Variants in PHAF1 observed in about 807,000 individuals in gnomAD.
The protein encoded by PHAF1 is phagophore assembly factor 1, also known as phagosome assembly factor 1.
Under a neutral mutation model 63.1 loss-of-function variants are expected in PHAF1, and 23 were observed. The ratio of observed to expected loss-of-function variants is 0.36; its 90% confidence interval spans 0.26 to 0.52. PHAF1 has a LOEUF of 0.52. Among genes scored for constraint, PHAF1 ranks in the 20% least tolerant of loss-of-function variants. The pLI, the probability that PHAF1 is intolerant of heterozygous loss-of-function variation, is 0.93. For missense variants in PHAF1, 427 were observed against 517.2 expected (o/e 0.83, Z 1.69); for synonymous variants, 167 against 185.0 (o/e 0.90, Z 0.79).
chr16:67,146,929 C>T (rs866397261), intron 15 of PHAF1, 116 bp from the exon 16 acceptor site: 274 of 954,724 alleles, frequency 2.9e-4, no homozygotes, highest in Non-Finnish European at 3.8e-4. Flanking sequence ...GTTGAGGAGT[C>T]GGGAAACCCA....
In PHAF1 at chr16:67,140,524, C is replaced by A. The variant is rs1459375341; in HGVS notation, c.809C>A (p.Ser270Tyr). 6.3e-7 allele frequency: 1 copy of A among 1,589,168 alleles called. No individual in the cohort carries two copies. The highest frequency in any genetic ancestry group is 8.6e-7 in the Non-Finnish European group (1 of 1,157,256). Residue 270 changes from serine (S) to tyrosine (Y), a missense_variant, in exon 10 of 16, where the codon TCT becomes TAT. By Grantham distance (144) the Ser-to-Tyr change is moderately radical (BLOSUM62 -2). Coordinates refer to ENST00000219139, the MANE Select transcript of PHAF1 (RefSeq NM_025187.5). ...TTTTCCCTACAGATGAAAATTCATT[C>A]TCCTTCCCCTCATAAACAAGTTCCA... ...YKSEDKMKIH[S>Y]PSPHKQVPSK...
Position 67,145,357 on chromosome 16 carries a change from C to T in PHAF1, c.1007-19C>T, listed in dbSNP as rs1312330309. The T allele has an allele frequency of 6.2e-7, 1 of 1,613,804 alleles. No homozygotes were observed. The highest frequency in any genetic ancestry group is 1.7e-5 in the Admixed American group (1 of 59,986). On this transcript the variant is annotated intron_variant, in intron 12 of 15. Coordinates refer to ENST00000219139, the MANE Select transcript of PHAF1 (RefSeq NM_025187.5). ...GGCTGGGCCAGCTACAAATCTGCCC[C>T]ACTGTCTTCTCTTTTCAGAAAACGC... is the stretch of plus-strand genomic sequence containing the variant.
At chr16:67,137,048 G>A (rs1295206829) in intron 8 of PHAF1, among the ~76,000 whole-genome samples, 4 of 152,140 alleles carry the variant, frequency 2.6e-5, no homozygotes, top group South Asian at 4.2e-4. Context: ...CCAGCTACTC[G>A]GGAGGCTGAG....
chr16:67,134,128 C>G, intron 6 of PHAF1, 40 bp from the exon 7 acceptor site: 3 of 1,525,560 alleles, frequency 2.0e-6, no homozygotes, highest in Non-Finnish European at 2.7e-6. Context: ...GTCCCATCAC[C>G]TGTTGTGCCC....
chr16:67,140,745 G>T, intron 10 of PHAF1, 151 bp downstream of exon 10: 1 of 646,856 alleles, frequency 1.5e-6, no homozygotes, highest in Admixed American at 2.9e-5. Flanking sequence ...TTTTGCATAG[G>T]CTCTGGTACT....
chr16:67,134,419 C>T lies in PHAF1; in HGVS notation c.613C>T (p.Arg205Ter), dbSNP rs760589547. ...CTATGCTGAGAGTGTAGATGTTCTT[C>T]GAGATGGAACTGGACCTGCAGGTTT... ...NVYAESVDVL[R>*]DGTGPAGLRL... The change falls in exon 8 of 16, where the codon CGA becomes TGA. Residue 205 changes from arginine (R) to a stop codon, truncating the protein, a stop_gained. Coordinates refer to ENST00000219139, the MANE Select transcript of PHAF1 (RefSeq NM_025187.5). LOFTEE classifies it high-confidence loss of function. 5 of 1,613,484 alleles carry T rather than the reference C, an allele frequency of 3.1e-6. No homozygotes were observed. Among genetic ancestry groups the T allele is most frequent in the African/African-American group, 1.3e-5 (1 of 74,702 alleles).
At chr16:67,140,153 T>TA (rs769668613) in intron 9 of PHAF1, 36 bp downstream of exon 9, 2 of 1,596,186 alleles carry the variant, frequency 1.3e-6, no homozygotes, top group Non-Finnish European at 1.7e-6. Context: ...TCCTTTTTTT[T>TA]AATCAACACT....
At chr16:67,145,722 A>ATC in intron 14 of PHAF1, 94 bp downstream of exon 14, 2 of 1,354,380 alleles carry the variant, frequency 1.5e-6, no homozygotes, top group Non-Finnish European at 2.0e-6. Flanking sequence ...TTGCTTAAAA[A>ATC]TTACAGAAGT....
At chr16:67,115,360 C>T (rs762735748) in intron 1 of PHAF1, among the ~76,000 whole-genome samples, 1 of 152,152 alleles carries the variant, frequency 6.6e-6, no homozygotes, top group Non-Finnish European at 1.5e-5. Context: ...ACCTAAAGTG[C>T]GAACAAGAGG....
chr16:67,111,487 A>T (rs1567634945), intron 1 of PHAF1, among the ~76,000 whole-genome samples: 1 of 152,120 alleles, frequency 6.6e-6, no homozygotes, highest in East Asian at 1.9e-4. Context: ...TTGGATTATA[A>T]ATTATCCTTG....
Position 67,139,971 on chromosome 16 carries a change from T to C in PHAF1, c.662-13T>C. On this transcript the variant is annotated splice_polypyrimidine_tract_variant and intron_variant, in intron 8 of 15. Coordinates refer to ENST00000219139, the MANE Select transcript of PHAF1 (RefSeq NM_025187.5). The stretch of plus-strand genomic sequence containing the variant: ...ACCATAACCTGACAACCTCTCTGTC[T>C]TGTTTTTTGCAGGTTGTGGACCTGG... The C allele has an allele frequency of 1.2e-6, 2 of 1,614,042 alleles. No individual in the cohort carries two copies. The highest frequency in any genetic ancestry group is 1.7e-6 in the Non-Finnish European group (2 of 1,179,974).
chr16:67,131,392 T>G, intron 4 of PHAF1, 63 bp downstream of exon 4: 3 of 1,194,634 alleles, frequency 2.5e-6, no homozygotes, highest in Non-Finnish European at 3.6e-6. Flanking sequence ...TCTACTATCT[T>G]CATAAGTTAG....
rs2145860195 is a variant in PHAF1, at chr16:67,131,291, C to T, written c.237C>T (p.Ile79=). 6.3e-7 allele frequency: 1 copy of T among 1,580,060 alleles called. No homozygotes were observed. The highest frequency in any genetic ancestry group is 8.6e-7 in the Non-Finnish European group (1 of 1,164,384). ...FDAFNQRLKV[I]EVCDLTKVKL... ...ACTCTTAAACTTTTTTTTAGGTGAT[C>T]GAAGTATGTGATTTGACTAAAGTAA... The change falls in exon 4 of 16, where the codon ATC becomes ATT. Residue 79 remains isoleucine, a synonymous_variant. Coordinates refer to ENST00000219139, the MANE Select transcript of PHAF1 (RefSeq NM_025187.5).
At chr16:67,131,809 G>A (rs768009137) in intron 4 of PHAF1, among the ~76,000 whole-genome samples, 6 of 152,130 alleles carry the variant, frequency 3.9e-5, no homozygotes, top group East Asian at 3.9e-4. Flanking sequence ...AAGTTGTTGC[G>A]CCCCCATTAT....
rs1176444674 is a variant in PHAF1 at position 67,144,206 on chromosome 16, G to T, written c.880-88G>T. 11 of 885,120 alleles carry T rather than the reference G, an allele frequency of 1.2e-5. No homozygotes were observed. In the Admixed American group the frequency reaches 2.0e-4, roughly 16 times the overall value. The allele number at this position is 885,120 out of a possible 1,614,324, so 54.8% of individuals were successfully genotyped here. A position where few individuals can be genotyped will look rare whatever the true frequency, so the allele number is the denominator to read the frequency against. ...GGCATTCTTGCTGTGGAGTGCACTGGATGTCCCAAGTTGGACATGCCTTTG... is the reference window on the plus strand; with the variant it reads ...GGCATTCTTGCTGTGGAGTGCACTGTATGTCCCAAGTTGGACATGCCTTTG... On this transcript the variant is annotated intron_variant, in intron 10 of 15. Coordinates refer to ENST00000219139, the MANE Select transcript of PHAF1 (RefSeq NM_025187.5).
rs372498714 is a variant in PHAF1 at position 67,133,768 on chromosome 16, A to C, written c.451-400A>C. On this transcript the variant is annotated intron_variant, in intron 6 of 15. Transcript: ENST00000219139. ...GCACTCTAGCCTGGGCGACAGAGCG[A>C]GACTCCGTCTCAAAAAAAAAAAAAA... 3.5e-4 allele frequency among the ~76,000 whole-genome samples: 53 copies of C among 150,298 alleles called. No individual in the cohort carries two copies. The East Asian group carries it at 9.9e-3, about 28-fold the overall frequency.
chr16:67,120,185 C>T lies in PHAF1; in HGVS notation c.138C>T (p.Tyr46=), dbSNP rs1195700338. The change falls in exon 2 of 16, where the codon TAC becomes TAT. Residue 46 remains tyrosine, a synonymous_variant. Coordinates refer to ENST00000219139, the MANE Select transcript of PHAF1 (RefSeq NM_025187.5). ...CRIIKNVQVL[Y]SEQSPLSHDL... The stretch of plus-strand genomic sequence containing the variant: ...TCATCAAAAACGTCCAGGTTCTCTA[C>T]AGTGAACAGGTGAGTGGTGGCTGAT... 1 of 1,613,582 alleles carries T rather than the reference C, an allele frequency of 6.2e-7. No homozygotes were observed. The highest frequency in any genetic ancestry group is 8.5e-7 in the Non-Finnish European group (1 of 1,179,592).
intron 1 of PHAF1, among the ~76,000 whole-genome samples, chr16:67,118,502 A>G (rs1039580502): frequency 6.7e-6 from 1 of 150,310 alleles, no homozygotes; most frequent in African/African-American, 2.5e-5. Context: ...ATGCCTGGCT[A>G]ATTTTTGCAT....
At chr16:67,132,599 C>T (rs1170918491) in intron 5 of PHAF1, 74 bp downstream of exon 5, 1 of 1,463,772 alleles carries the variant, frequency 6.8e-7, no homozygotes, top group East Asian at 2.3e-5. Flanking sequence ...GTAGTGCCAT[C>T]CCACCCCACT....
Sources: gnomAD v4.1 joint callset for allele counts (sites outside exome capture counted in the v4.1 genomes callset) on GRCh38, gnomAD v4.1.1 for gene constraint, MANE v1.5 for transcripts, NCBI Gene and HGNC (gene_info 2026-07-23, HGNC 2026-07-21) for gene names.